TSG101: variants seen among roughly 807,000 people sequenced by gnomAD.
TSG101 encodes tumor susceptibility gene 101 protein.
Under a neutral mutation model 48.5 loss-of-function variants are expected in TSG101, and 19 were observed. The ratio of observed to expected loss-of-function variants is 0.39; its 90% CI spans 0.27 to 0.58. The LOEUF is 0.58. Among genes scored for constraint, TSG101 ranks in the 20% least tolerant of loss-of-function variants. TSG101 has a pLI of 0.55. For missense variants in TSG101, 365 were observed against 484.4 expected, an observed-to-expected ratio of 0.75 and a Z score of 2.31; for synonymous variants, 174 against 169.4, an observed-to-expected ratio of 1.03 and a Z score of -0.21.
chr11:18,509,364 G>A lies in TSG101; in HGVS notation c.481+178C>T, dbSNP rs555359826. Among the ~76,000 whole-genome samples, 12 of 152,268 alleles carry A rather than the reference G, an allele frequency of 7.9e-5. No homozygotes were observed. The South Asian group carries it at 8.3e-4, about 11-fold the overall frequency. On this transcript the variant is annotated intron_variant, in intron 5 of 9. Coordinates refer to ENST00000251968, the MANE Select transcript of TSG101 (RefSeq NM_006292.4). ...TCTACCTACAAATGGAAGCCCAAAT[G>A]CCAGTCTTTGGTGGGAATCTGTACA...
chr11:18,510,112 T>C (rs910295374), intron 4 of TSG101, among the ~76,000 whole-genome samples: 1 of 152,220 alleles, frequency 6.6e-6, no homozygotes, highest in African/African-American at 2.4e-5. Context: ...AAAGATATTA[T>C]GAACTCTGAA....
At chr11:18,498,821 T>C (rs1413320944) in intron 7 of TSG101, among the ~76,000 whole-genome samples, 4 of 151,712 alleles carry the variant, frequency 2.6e-5, no homozygotes, top group Non-Finnish European at 5.9e-5. Flanking sequence ...TTAAGAAAAA[T>C]GGAAGAACTT....
At chr11:18,484,194 A>T in intron 7 of TSG101, 122 bp from the exon 8 acceptor site, 1 of 881,776 alleles carries the variant, frequency 1.1e-6, no homozygotes, top group Non-Finnish European at 1.7e-6. Flanking sequence ...GGAAAGAAAA[A>T]AATTATGTTA....
chr11:18,489,735 G>A (rs1340133699), intron 7 of TSG101, among the ~76,000 whole-genome samples: 4 of 152,228 alleles, frequency 2.6e-5, no homozygotes, highest in Non-Finnish European at 5.9e-5. Flanking sequence ...GTGTCTTTAA[G>A]TGCCAAACAA....
chr11:18,501,357 C>G (rs920921483), intron 7 of TSG101, among the ~76,000 whole-genome samples: 1 of 151,936 alleles, frequency 6.6e-6, no homozygotes, highest in Non-Finnish European at 1.5e-5. Flanking sequence ...TTCCCACCAC[C>G]ATTTATGAAC....
intron 6 of TSG101, among the ~76,000 whole-genome samples, chr11:18,505,823 G>A (rs561791279): frequency 5.9e-4 from 89 of 152,064 alleles, no homozygotes; most frequent in African/African-American, 2.1e-3. Context: ...AGGTTGTGGG[G>A]TTTTGTTTGT....
Position 18,526,899 on chromosome 11 carries a change from C to T in TSG101, c.-83G>A, listed in dbSNP as rs1367754965. 2 of 1,469,226 alleles carry T rather than the reference C, an allele frequency of 1.4e-6. No homozygotes were observed. Among genetic ancestry groups the T allele is most frequent in the Non-Finnish European group, 9.2e-7 (1 of 1,085,684 alleles). 91.0% of individuals were successfully genotyped at this position (1,469,226 alleles called of 1,614,324 possible). ...CCCCAGACCGTCCCACACAATCGCACACCCCCAACCCGGCCTCAAACAACA... is the reference window on the plus strand; with the variant it reads ...CCCCAGACCGTCCCACACAATCGCATACCCCCAACCCGGCCTCAAACAACA... On this transcript the variant is annotated 5_prime_UTR_variant, in exon 1 of 10. In the 5' UTR this introduces an upstream ATG that the reference lacks. Coordinates refer to ENST00000251968, the MANE Select transcript of TSG101 (RefSeq NM_006292.4).
Position 18,514,591 on chromosome 11 carries a change from ATCC to A in TSG101, c.357+84_357+86del. On this transcript the variant is annotated intron_variant, in intron 4 of 9. Coordinates refer to ENST00000251968, the MANE Select transcript of TSG101 (RefSeq NM_006292.4). ...TCTGAACTTATCTATCCTACCTCGA[ATCC>A]TCCTTGAGTGCTAAAAGAAAGCAGA... 2.6e-6 allele frequency: 3 copies of A among 1,147,042 alleles called. No individual in the cohort carries two copies. The South Asian group carries it at 6.1e-5, about 23-fold the overall frequency. 71.1% of individuals were successfully genotyped at this position (1,147,042 alleles called of 1,614,324 possible).
At chr11:18,510,730 T>A (rs938176271) in intron 4 of TSG101, among the ~76,000 whole-genome samples, 2 of 151,994 alleles carry the variant, frequency 1.3e-5, no homozygotes, top group African/African-American at 4.8e-5. Flanking sequence ...GTAATCCAGC[T>A]TGAGCTCAGG....
chr11:18,499,403 T>TATATA (rs1554970813), intron 7 of TSG101, among the ~76,000 whole-genome samples: 1 of 6,856 alleles, frequency 1.5e-4, no homozygotes, highest in East Asian at 6.0e-3. Flanking sequence ...TATATATATA[T>TATATA]TTTTTTTTTT....
rs1403873002 is a variant in TSG101, at chr11:18,480,490, AAAGG to A, written c.*52_*55del. The A allele has an allele frequency of 1.6e-5, 23 of 1,414,040 alleles. No individual in the cohort carries two copies. Among genetic ancestry groups the A allele is most frequent in the African/African-American group, 1.3e-4 (9 of 70,494 alleles). 87.6% of individuals were successfully genotyped at this position (1,414,040 alleles called of 1,614,324 possible). The stretch of plus-strand genomic sequence containing the variant: ...AACTTATTCTGGGCACCTACTGATA[AAAGG>A]AAGAGAAGAATACTTTAAGAAGAGC... On this transcript the variant is annotated 3_prime_UTR_variant, in exon 10 of 10. Transcript: ENST00000251968.
At chr11:18,512,871 A>C (rs1203521537) in intron 4 of TSG101, among the ~76,000 whole-genome samples, 1 of 151,482 alleles carries the variant, frequency 6.6e-6, no homozygotes, top group Non-Finnish European at 1.5e-5. Flanking sequence ...GGGATTATAG[A>C]CATGTGCCAT....
At chr11:18,519,785 T>C (rs1183271716) in intron 1 of TSG101, among the ~76,000 whole-genome samples, 182 bp from the exon 2 acceptor site, 2 of 152,204 alleles carry the variant, frequency 1.3e-5, no homozygotes, top group Admixed American at 6.5e-5. Flanking sequence ...CATCAGTAAA[T>C]ATCTATAGTC....
chr11:18,526,910 CG>C lies in TSG101; in HGVS notation c.-95del, dbSNP rs972467195. The C allele has an allele frequency of 2.0e-5, 28 of 1,395,066 alleles. No homozygotes were observed. In the African/African-American group the frequency reaches 3.9e-4, roughly 19 times the overall value. The allele number at this position is 1,395,066 out of a possible 1,614,324, so 86.4% of individuals were successfully genotyped here. A position where few individuals can be genotyped will look rare whatever the true frequency, so the allele number is the denominator to read the frequency against. On this transcript the variant is annotated 5_prime_UTR_variant, in exon 1 of 10. Transcript: ENST00000251968. ...CCCACACAATCGCACACCCCCAACC[CG>C]GCCTCAAACAACAGGAAGTCGGCAC...
chr11:18,508,109 T>C (rs1469616699), intron 5 of TSG101, among the ~76,000 whole-genome samples: 2 of 150,372 alleles, frequency 1.3e-5, no homozygotes, highest in Non-Finnish European at 3.0e-5. Context: ...AAAAAAAAAG[T>C]TGCTTAGGAG....
At chr11:18,519,981 T>C (rs947502812) in intron 1 of TSG101, among the ~76,000 whole-genome samples, 1 of 152,166 alleles carries the variant, frequency 6.6e-6, no homozygotes, top group African/African-American at 2.4e-5. Flanking sequence ...TTTAGTACAT[T>C]TGGAGTTGTG....
intron 5 of TSG101, chr11:18,508,715 G>C (rs1441832189): frequency 6.6e-6 from 1 of 152,022 alleles, no homozygotes; most frequent in African/African-American, 2.4e-5. Context: ...TATAAACCAA[G>C]ATGTTCCTCA....
intron 8 of TSG101, 91 bp from the exon 9 acceptor site, chr11:18,481,960 C>A: frequency 1.3e-6 from 2 of 1,527,674 alleles, no homozygotes; most frequent in Non-Finnish European, 1.8e-6. Flanking sequence ...GACAGGCTAA[C>A]AACCATGTTT....
chr11:18,526,637 T>G, intron 1 of TSG101, 138 bp downstream of exon 1: 3 of 1,014,374 alleles, frequency 3.0e-6, no homozygotes, highest in Non-Finnish European at 1.4e-6. Flanking sequence ...GGGGCGGGGT[T>G]CTGAGGAGGT....
Sources: gnomAD v4.1 joint callset for allele counts (sites outside exome capture counted in the v4.1 genomes callset) on GRCh38, gnomAD v4.1.1 for gene constraint, MANE v1.5 for transcripts, NCBI Gene and HGNC (gene_info 2026-07-23, HGNC 2026-07-21) for gene names.